Variants in NFX1 observed in about 807,000 individuals in gnomAD.
NFX1 encodes nuclear transcription factor, X-box binding 1.
A neutral mutation model predicts 137.2 loss-of-function variants in NFX1; 69 were observed. That is an observed-to-expected ratio of 0.50 (90% CI 0.41 to 0.61). NFX1 has a LOEUF of 0.61. Ranked by LOEUF, NFX1 falls within the 20% of genes least tolerant of loss-of-function variation. The pLI is 0.00. For synonymous variants in NFX1, 495 were observed against 474.1 expected, an observed-to-expected ratio of 1.04 and a Z score of -0.57; for missense variants, 1,167 against 1,391.0, an observed-to-expected ratio of 0.84 and a Z score of 2.56.
In NFX1 at chr9:33,360,293, G is replaced by A. The variant is rs74707263; in HGVS notation, c.2874-3717G>A. Among the ~76,000 whole-genome samples, 1,498 of 152,248 alleles carry A rather than the reference G, an allele frequency of 9.8e-3. 21 individuals are homozygous for A. Among genetic ancestry groups the A allele is most frequent in the African/African-American group, 0.033 (1,372 of 41,536 alleles). On this transcript the variant is annotated intron_variant, in intron 19 of 23. Coordinates refer to ENST00000379540, the MANE Select transcript of NFX1 (RefSeq NM_002504.6). ...CACTTAGCTATGAGACCTTGGGCAAGTCACATATTGTCTGTAAGCCTTAGG... is the reference window on the plus strand; with the variant it reads ...CACTTAGCTATGAGACCTTGGGCAAATCACATATTGTCTGTAAGCCTTAGG...
intron 1 of NFX1, among the ~76,000 whole-genome samples, chr9:33,294,038 C>T (rs1242192723): frequency 6.6e-6 from 1 of 152,202 alleles, no homozygotes; most frequent in African/African-American, 2.4e-5. Context: ...CTTGATATTA[C>T]ACAATGCTAC....
chr9:33,311,963 AG>A (rs1258817243), intron 6 of NFX1, among the ~76,000 whole-genome samples: 3 of 152,160 alleles, frequency 2.0e-5, no homozygotes. Flanking sequence ...CTGGCATCTA[AG>A]AGTCTTTTAA....
At chr9:33,291,854 G>A (rs894435124) in intron 1 of NFX1, among the ~76,000 whole-genome samples, 4 of 152,196 alleles carry the variant, frequency 2.6e-5, no homozygotes, top group African/African-American at 9.7e-5. Context: ...AGTGAGCCAA[G>A]ATCGTGCCAC....
chr9:33,329,639 T>G (rs1642062091), intron 10 of NFX1, among the ~76,000 whole-genome samples: 1 of 49,516 alleles, frequency 2.0e-5, no homozygotes, highest in African/African-American at 7.1e-5. Flanking sequence ...ATGGTTTTTA[T>G]TTTTCTTTTT....
At position 33,337,941 on chromosome 9, in the gene NFX1, C is replaced by T. The variant is rs534872188; in HGVS notation, c.2036-569C>T. 3.8e-4 allele frequency among the ~76,000 whole-genome samples: 58 copies of T among 150,882 alleles called. 1 individual carries two copies. In the South Asian group the frequency reaches 0.011, roughly 29 times the overall value. ...GCGCACACCTGTAATCCCAGCTACTCGGGAGGCTGAGGCAGGAGAATCGCT... is the reference window on the plus strand; with the variant it reads ...GCGCACACCTGTAATCCCAGCTACTTGGGAGGCTGAGGCAGGAGAATCGCT... On this transcript the variant is annotated intron_variant, in intron 11 of 23. Coordinates refer to ENST00000379540, the MANE Select transcript of NFX1 (RefSeq NM_002504.6).
chr9:33,303,098 C>T, intron 3 of NFX1, 93 bp from the exon 4 acceptor site: 1 of 880,692 alleles, frequency 1.1e-6, no homozygotes, highest in Non-Finnish European at 1.8e-6. Flanking sequence ...ACCACTACTT[C>T]AATATTGTGT....
In NFX1 at chr9:33,366,783, A is replaced by G. The variant is rs750202530; in HGVS notation, c.3185+9A>G. 2.5e-6 allele frequency: 4 copies of G among 1,611,756 alleles called. No homozygotes were observed. The highest frequency in any genetic ancestry group is 1.1e-5 in the South Asian group (1 of 91,008). On this transcript the variant is annotated intron_variant, in intron 22 of 23. Transcript: ENST00000379540. The stretch of plus-strand genomic sequence containing the variant: ...GTGGTCACTGCCATCAGGTAGGTCA[A>G]TCCCGCCGTCAGAGGAAGAACTCCT...
At chr9:33,303,981 A>G (rs534437567) in intron 4 of NFX1, among the ~76,000 whole-genome samples, 4 of 152,322 alleles carry the variant, frequency 2.6e-5, no homozygotes, top group South Asian at 2.1e-4. Context: ...AGAAATTACC[A>G]ATGGGCCGGG....
intron 19 of NFX1, among the ~76,000 whole-genome samples, chr9:33,360,497 T>C (rs1823953310): frequency 1.3e-5 from 2 of 152,196 alleles, no homozygotes; most frequent in Admixed American, 1.3e-4. Context: ...TTTGAATTTC[T>C]CCTCAATCTT....
At chr9:33,326,803 CAA>C (rs1822609050) in intron 9 of NFX1, among the ~76,000 whole-genome samples, 1 of 151,998 alleles carries the variant, frequency 6.6e-6, no homozygotes, top group African/African-American at 2.4e-5. Context: ...AAAGTTCTAA[CAA>C]AGTAGTATTG....
At chr9:33,334,175 C>T (rs1465353001) in intron 11 of NFX1, among the ~76,000 whole-genome samples, 2 of 151,934 alleles carry the variant, frequency 1.3e-5, no homozygotes, top group Non-Finnish European at 2.9e-5. Flanking sequence ...ATAATTTGGG[C>T]CAGATGCAGT....
intron 9 of NFX1, among the ~76,000 whole-genome samples, chr9:33,328,325 T>G (rs950822903): frequency 5.9e-5 from 9 of 152,040 alleles, no homozygotes; most frequent in Non-Finnish European, 1.2e-4. Context: ...ACACTTGGCC[T>G]TTTTTTGACT....
intron 12 of NFX1, among the ~76,000 whole-genome samples, chr9:33,341,737 C>T (rs1185698048): frequency 6.6e-6 from 1 of 152,144 alleles, no homozygotes; most frequent in Admixed American, 6.6e-5. Flanking sequence ...CAAGGCCAGC[C>T]TTGGCAACAT....
At chr9:33,356,919 G>A (rs10971480) in intron 19 of NFX1, among the ~76,000 whole-genome samples, 6,790 of 150,710 alleles carry the variant, frequency 0.045, 451 homozygotes, top group African/African-American at 0.15. Flanking sequence ...TTGAACCTGC[G>A]AGGTTGAGGC....
chr9:33,315,577 A>G (rs1822129209), intron 7 of NFX1, among the ~76,000 whole-genome samples: 1 of 152,116 alleles, frequency 6.6e-6, no homozygotes, highest in Non-Finnish European at 1.5e-5. Flanking sequence ...CCTGTGAAAC[A>G]TGCTCAGAGA....
intron 9 of NFX1, among the ~76,000 whole-genome samples, chr9:33,322,928 G>A (rs1822440740): frequency 6.6e-6 from 1 of 152,188 alleles, no homozygotes; most frequent in South Asian, 2.1e-4. Flanking sequence ...GCCCTCTTCA[G>A]GTCAGAACAA....
chr9:33,314,403 A>G (rs1030024006), intron 7 of NFX1, among the ~76,000 whole-genome samples: 1 of 151,596 alleles, frequency 6.6e-6, no homozygotes, highest in African/African-American at 2.4e-5. Context: ...CTGGCCGGGC[A>G]TAGTGGCTCA....
chr9:33,304,962 A>G (rs1821700501), intron 4 of NFX1, among the ~76,000 whole-genome samples: 1 of 152,244 alleles, frequency 6.6e-6, no homozygotes, highest in Non-Finnish European at 1.5e-5. Flanking sequence ...CAGTATAAGA[A>G]TGTGGAGTGA....
intron 9 of NFX1, among the ~76,000 whole-genome samples, 183 bp from the exon 10 acceptor site, chr9:33,328,398 A>C (rs1163621333): frequency 3.3e-5 from 5 of 152,160 alleles, no homozygotes; most frequent in African/African-American, 4.8e-5. Context: ...TGAAGTTGTC[A>C]GAAAAGGCCC....
Sources: allele counts gnomAD v4.1 joint callset (sites outside exome capture counted in the v4.1 genomes callset), GRCh38; gene constraint gnomAD v4.1.1; transcripts MANE v1.5; gene names NCBI Gene and HGNC (gene_info 2026-07-23, HGNC 2026-07-21).